The following RHOBTB3 variants were observed in gnomAD, a reference collection of about 807,000 sequenced individuals.
RHOBTB3 encodes the protein Rho related BTB domain containing 3.
In RHOBTB3, 47 loss-of-function variants were observed where a neutral mutation model predicts 67.2. The observed-to-expected ratio is 0.70, with a 90% CI of 0.55 to 0.89. The LOEUF (loss-of-function observed/expected upper bound fraction) is 0.89, where lower values mean the gene tolerates loss of function less well. Ranked by LOEUF, RHOBTB3 falls within the 40% of genes least tolerant of loss-of-function variation. The pLI is 0.00. For synonymous variants in RHOBTB3, 273 were observed against 274.2 expected (o/e 1.00, Z 0.04); for missense variants, 631 against 750.0 (o/e 0.84, Z 1.85).
intron 3 of RHOBTB3, among the ~76,000 whole-genome samples, chr5:95,744,428 T>G (rs1426524129): frequency 6.6e-6 from 1 of 152,098 alleles, no homozygotes; most frequent in Non-Finnish European, 1.5e-5. Context: ...TTTGCAGTCA[T>G]GTCTATCTTC....
At chr5:95,782,935 T>C (rs1746102040) in intron 9 of RHOBTB3, 1 of 146,076 alleles carries the variant, frequency 6.8e-6, no homozygotes, top group Non-Finnish European at 1.5e-5. Context: ...GAAAAAAAAA[T>C]GGCAAGGATC....
At chr5:95,790,763 G>C (rs1013475323) in intron 11 of RHOBTB3, among the ~76,000 whole-genome samples, 1 of 152,184 alleles carries the variant, frequency 6.6e-6, no homozygotes, top group Admixed American at 6.5e-5. Context: ...TTTTGGATAA[G>C]GGAGAATTTA....
intron 1 of RHOBTB3, among the ~76,000 whole-genome samples, chr5:95,720,371 A>T (rs1754833702): frequency 6.6e-6 from 1 of 152,242 alleles, no homozygotes; most frequent in Non-Finnish European, 1.5e-5. Context: ...TATGATGGGG[A>T]TCATTAGCAA....
chr5:95,795,289 G>A lies in RHOBTB3; in HGVS notation c.*2115G>A, dbSNP rs956215463. 1 of 152,070 alleles carries A rather than the reference G, an allele frequency of 6.6e-6. No individual in the cohort carries two copies. The highest frequency in any genetic ancestry group is 2.4e-5 in the African/African-American group (1 of 41,404). The allele number at this position is 152,070 out of a possible 1,614,324, so 9.4% of individuals were successfully genotyped here. A position where few individuals can be genotyped will look rare whatever the true frequency, so the allele number is the denominator to read the frequency against. On this transcript the variant is annotated 3_prime_UTR_variant, in exon 12 of 12. Transcript: ENST00000379982. ...GGCAAATCCCATTTGACAAAGATTA[G>A]CATTGTAAAAAACAGATACTGTGGT...
upstream of RHOBTB3, among the ~76,000 whole-genome samples, chr5:95,730,299 TAAAC>T (rs561071662): frequency 1.8e-4 from 28 of 152,102 alleles, no homozygotes; most frequent in Admixed American, 9.8e-4. Context: ...AAGGGAAAAA[TAAAC>T]AGATAAAAGG....
chr5:95,745,128 A>G (rs1744846823), intron 3 of RHOBTB3, among the ~76,000 whole-genome samples: 1 of 152,012 alleles, frequency 6.6e-6, no homozygotes, highest in African/African-American at 2.4e-5. Flanking sequence ...TGGAGATGGG[A>G]TCTCGCTATG....
chr5:95,753,981 C>T (rs931638864), intron 5 of RHOBTB3, among the ~76,000 whole-genome samples: 1 of 151,900 alleles, frequency 6.6e-6, no homozygotes, highest in Non-Finnish European at 1.5e-5. Flanking sequence ...ATGATGGCGA[C>T]GCCTGTAGTC....
chr5:95,743,045 TG>T (rs1755643568), intron 3 of RHOBTB3, among the ~76,000 whole-genome samples: 1 of 152,144 alleles, frequency 6.6e-6, no homozygotes, highest in African/African-American at 2.4e-5. Flanking sequence ...CACTCCAGCC[TG>T]GGGGACAGAG....
chr5:95,731,608 G>A lies in RHOBTB3; in HGVS notation c.-75G>A, dbSNP rs1434172682. 8.8e-6 allele frequency: 14 copies of A among 1,597,076 alleles called. No individual in the cohort carries two copies. The highest frequency in any genetic ancestry group is 1.3e-5 in the African/African-American group (1 of 74,440). On this transcript the variant is annotated 5_prime_UTR_variant, in exon 1 of 12. Coordinates refer to ENST00000379982, the MANE Select transcript of RHOBTB3 (RefSeq NM_014899.4). Reference sequence around the variant, plus strand: ...GGATGAGCGGATTGCGGGTGAACTCGCCGCCCGGGGGCCCCGCGAAGCCGT... The same window carrying A: ...GGATGAGCGGATTGCGGGTGAACTCACCGCCCGGGGGCCCCGCGAAGCCGT...
At chr5:95,721,301 T>C (rs964188453) in intron 1 of RHOBTB3, among the ~76,000 whole-genome samples, 2 of 152,342 alleles carry the variant, frequency 1.3e-5, no homozygotes, top group South Asian at 4.1e-4. Context: ...TCCGTACTTA[T>C]CACATCACTG....
At chr5:95,739,605 C>T (rs146812692) in intron 3 of RHOBTB3, among the ~76,000 whole-genome samples, 741 of 152,318 alleles carry the variant, frequency 4.9e-3, no homozygotes, top group African/African-American at 0.017. Context: ...GGCTGGAGTG[C>T]AGTGGCATGA....
Position 95,796,270 on chromosome 5 carries a change from A to G in RHOBTB3, c.*3096A>G, listed in dbSNP as rs1248988862. ...CTTTAATAATTTTGCAAAGAAGGGT[A>G]TGTGTGTATTTTAATATAGCCTGAC... is the stretch of plus-strand genomic sequence containing the variant. On this transcript the variant is annotated 3_prime_UTR_variant, in exon 12 of 12. Transcript: ENST00000379982. 6 of 152,234 alleles carry G rather than the reference A, an allele frequency of 3.9e-5. No homozygotes were observed. Among genetic ancestry groups the G allele is most frequent in the African/African-American group, 1.4e-4 (6 of 41,476 alleles). 9.4% of individuals were successfully genotyped at this position (152,234 alleles called of 1,614,324 possible). A position where few individuals can be genotyped will look rare whatever the true frequency, so the allele number is the denominator to read the frequency against.
chr5:95,729,588 C>T (rs372874803), upstream of RHOBTB3, among the ~76,000 whole-genome samples: 17 of 152,196 alleles, frequency 1.1e-4, no homozygotes, highest in South Asian at 2.1e-4. Flanking sequence ...CAGTATAGTA[C>T]GAACTATATA....
At position 95,795,558 on chromosome 5, in the gene RHOBTB3, GT is replaced by G. The variant is rs1746543370; in HGVS notation, c.*2386del. 6.6e-6 allele frequency: 1 copy of G among 152,256 alleles called. No individual in the cohort carries two copies. Among genetic ancestry groups the G allele is most frequent in the Admixed American group, 6.5e-5 (1 of 15,290 alleles). The allele number at this position is 152,256 out of a possible 1,614,324, so 9.4% of individuals were successfully genotyped here. On this transcript the variant is annotated 3_prime_UTR_variant, in exon 12 of 12. Coordinates refer to ENST00000379982, the MANE Select transcript of RHOBTB3 (RefSeq NM_014899.4). ...TTAAGGTTGTTTGACCTGAAGTGGA[GT>G]TGGGTTTGGAAGCTGGTGCCCAGTT... is the stretch of plus-strand genomic sequence containing the variant.
At chr5:95,791,377 G>A (rs1359615823) in intron 11 of RHOBTB3, among the ~76,000 whole-genome samples, 1 of 152,078 alleles carries the variant, frequency 6.6e-6, no homozygotes, top group Admixed American at 6.6e-5. Context: ...CATTATTCTC[G>A]CAGTTTAATT....
chr5:95,763,568 A>T lies in RHOBTB3; in HGVS notation c.1109A>T (p.Asp370Val). 1.2e-6 allele frequency: 2 copies of T among 1,612,798 alleles called. No homozygotes were observed. Among genetic ancestry groups the T allele is most frequent in the Non-Finnish European group, 1.7e-6 (2 of 1,179,176 alleles). Residue 370 changes from aspartate to valine, a missense_variant, in exon 7 of 12, where the codon GAT becomes GTT. By Grantham distance (152) the Asp-to-Val change is radical. Coordinates refer to ENST00000379982, the MANE Select transcript of RHOBTB3 (RefSeq NM_014899.4). ...AGGAAGAAGTTGAAAGATTCTGGGG[A>T]TGTTTCAAATGTAATCGAGAAAGTT... ...DIRKKLKDSG[D>V]VSNVIEKVKC...
At chr5:95,744,719 C>T (rs1755703674) in intron 3 of RHOBTB3, among the ~76,000 whole-genome samples, 1 of 152,182 alleles carries the variant, frequency 6.6e-6, no homozygotes, top group African/African-American at 2.4e-5. Context: ...GGGTGCTCTC[C>T]TGGTAATTCC....
chr5:95,785,550 T>C (rs1482764380), intron 10 of RHOBTB3, among the ~76,000 whole-genome samples: 1 of 150,504 alleles, frequency 6.6e-6, no homozygotes, highest in Non-Finnish European at 1.5e-5. Context: ...GCCGAGATCG[T>C]GCCACTGCAC....
At chr5:95,732,207 A>T in intron 2 of RHOBTB3, 123 bp downstream of exon 2, 1 of 862,724 alleles carries the variant, frequency 1.2e-6, no homozygotes, top group Non-Finnish European at 1.9e-6. Context: ...TCAAATTTTT[A>T]AACATTTTTG....
Sources: gnomAD v4.1 joint callset for allele counts (sites outside exome capture counted in the v4.1 genomes callset) on GRCh38, gnomAD v4.1.1 for gene constraint, MANE v1.5 for transcripts, NCBI Gene and HGNC (gene_info 2026-07-23, HGNC 2026-07-21) for gene names.